ZNF804A: variants seen among roughly 807,000 people sequenced by gnomAD.
ZNF804A encodes zinc finger protein 804A.
A neutral mutation model predicts 16.5 loss-of-function variants in ZNF804A; 2 were observed. That is an observed-to-expected ratio of 0.12 (90% confidence interval 0.05 to 0.38). ZNF804A has a LOEUF of 0.38. Among genes scored for constraint, ZNF804A ranks in the 10% least tolerant of loss-of-function variants. The pLI, the probability that ZNF804A is intolerant of heterozygous loss-of-function variation, is 0.99. For synonymous variants in ZNF804A, 534 were observed against 489.6 expected (o/e 1.09, Z -1.20); for missense variants, 1,473 against 1,390.7 (o/e 1.06, Z -0.94).
intron 1 of ZNF804A, among the ~76,000 whole-genome samples, chr2:184,697,515 G>A (rs1559129054): frequency 6.6e-6 from 1 of 151,964 alleles, no homozygotes; most frequent in Non-Finnish European, 1.5e-5. Context: ...ATAAATTTAA[G>A]TACAGAATTA....
intron 1 of ZNF804A, among the ~76,000 whole-genome samples, chr2:184,820,787 A>G (rs1437463385): frequency 6.6e-6 from 1 of 151,744 alleles, no homozygotes; most frequent in East Asian, 1.9e-4. Flanking sequence ...CAAGTAGGGA[A>G]CCAAAACATG....
intron 1 of ZNF804A, among the ~76,000 whole-genome samples, chr2:184,677,597 A>G (rs561754009): frequency 1.3e-5 from 2 of 152,164 alleles, no homozygotes; most frequent in African/African-American, 2.4e-5. Context: ...TATAATTTAT[A>G]ACATCAAGGT....
intron 2 of ZNF804A, among the ~76,000 whole-genome samples, chr2:184,918,093 T>A (rs1166590524): frequency 6.6e-6 from 1 of 152,134 alleles, no homozygotes; most frequent in East Asian, 1.9e-4. Context: ...TACTAAGATA[T>A]GCCCTATGGG....
chr2:184,885,670 A>G (rs956973462), intron 2 of ZNF804A, among the ~76,000 whole-genome samples: 8 of 152,322 alleles, frequency 5.3e-5, no homozygotes, highest in African/African-American at 1.7e-4. Context: ...TCTCAGAATC[A>G]TGGCTGGAGG....
intron 1 of ZNF804A, among the ~76,000 whole-genome samples, chr2:184,678,271 C>T (rs911371084): frequency 3.1e-4 from 47 of 152,002 alleles, no homozygotes; most frequent in Non-Finnish European, 1.5e-4. Context: ...GTCAGCTAAT[C>T]ATGTGAGTGA....
chr2:184,776,814 C>T (rs1469803228), intron 1 of ZNF804A, among the ~76,000 whole-genome samples: 1 of 151,442 alleles, frequency 6.6e-6, no homozygotes, highest in Non-Finnish European at 1.5e-5. Flanking sequence ...CCTTATAAAC[C>T]CTCTTCAGAC....
At chr2:184,727,313 A>G (rs1355330290) in intron 1 of ZNF804A, among the ~76,000 whole-genome samples, 1 of 151,622 alleles carries the variant, frequency 6.6e-6, no homozygotes, top group African/African-American at 2.4e-5. Context: ...TGGAAGCAAT[A>G]TGAAAGAATT....
At chr2:184,867,429 T>C (rs1695892298) in intron 2 of ZNF804A, among the ~76,000 whole-genome samples, 1 of 152,096 alleles carries the variant, frequency 6.6e-6, no homozygotes. Flanking sequence ...AAAGAAAAAG[T>C]AGGGAAAGTG....
chr2:184,754,179 A>G (rs1472872176), intron 1 of ZNF804A, among the ~76,000 whole-genome samples: 1 of 151,822 alleles, frequency 6.6e-6, no homozygotes, highest in Non-Finnish European at 1.5e-5. Context: ...TTACCTCAAT[A>G]AAGTTAGGTA....
At position 184,892,483 on chromosome 2, in the gene ZNF804A, C is replaced by CTTTTTT. The variant is rs869292193; in HGVS notation, c.255+25988_255+25993dup. 1.5e-3 allele frequency among the ~76,000 whole-genome samples: 155 copies of CTTTTTT among 105,732 alleles called. 7 individuals are homozygous for CTTTTTT. The highest frequency in any genetic ancestry group is 2.3e-3 in the Non-Finnish European group (125 of 54,690). The allele number at this position is 105,732 out of a possible 152,430, so 69.4% of individuals were successfully genotyped here. On this transcript the variant is annotated intron_variant, in intron 2 of 3. Transcript: ENST00000302277. ...CTTCTATTCCTCACATTGTTGTGTT[C>CTTTTTT]TTTTTTTTTTTTTTTTTTTTTTATG...
intron 1 of ZNF804A, among the ~76,000 whole-genome samples, chr2:184,673,927 CA>C (rs1453123479): frequency 1.3e-5 from 2 of 152,006 alleles, no homozygotes; most frequent in East Asian, 3.9e-4. Flanking sequence ...TTCTAAAAAT[CA>C]ATAGTTTGAC....
chr2:184,615,431 T>C (rs1447555845), intron 1 of ZNF804A, among the ~76,000 whole-genome samples: 1 of 152,202 alleles, frequency 6.6e-6, no homozygotes, highest in East Asian at 1.9e-4. Context: ...TCCCAGTTTA[T>C]GCTGTTGTCC....
At chr2:184,696,313 GCAA>G (rs1692830313) in intron 1 of ZNF804A, among the ~76,000 whole-genome samples, 1 of 152,066 alleles carries the variant, frequency 6.6e-6, no homozygotes, top group African/African-American at 2.4e-5. Flanking sequence ...AAAAAAACAG[GCAA>G]CAACATCAAA....
intron 1 of ZNF804A, among the ~76,000 whole-genome samples, chr2:184,749,622 T>C (rs937652176): frequency 1.3e-5 from 2 of 151,290 alleles, no homozygotes; most frequent in African/African-American, 4.8e-5. Context: ...AAAAATATTG[T>C]ATCTTTTTTA....
At chr2:184,876,312 A>G (rs1684674509) in intron 2 of ZNF804A, among the ~76,000 whole-genome samples, 1 of 151,970 alleles carries the variant, frequency 6.6e-6, no homozygotes, top group South Asian at 2.1e-4. Flanking sequence ...AAAATGTACT[A>G]AAGCTTAATT....
At chr2:184,620,690 CAAAG>C (rs998925661) in intron 1 of ZNF804A, among the ~76,000 whole-genome samples, 2 of 151,384 alleles carry the variant, frequency 1.3e-5, no homozygotes, top group Non-Finnish European at 3.0e-5. Flanking sequence ...AGTGGAAAAA[CAAAG>C]GAAGAGAGAA....
intron 1 of ZNF804A, among the ~76,000 whole-genome samples, chr2:184,827,247 G>A (rs1695181218): frequency 6.6e-6 from 1 of 150,798 alleles, no homozygotes; most frequent in South Asian, 2.1e-4. Context: ...CTATAATATG[G>A]CTCTTCATTG....
intron 1 of ZNF804A, among the ~76,000 whole-genome samples, chr2:184,779,570 C>T (rs148626526): frequency 6.6e-6 from 1 of 151,270 alleles, no homozygotes; most frequent in Non-Finnish European, 1.5e-5. Context: ...GGAGATGGGC[C>T]CAATGTAATC....
At position 184,936,668 on chromosome 2, in the gene ZNF804A, A is replaced by T. The variant is rs1374841748; in HGVS notation, c.1272A>T (p.Pro424=). The change falls in exon 4 of 4, where the codon CCA becomes CCT. Residue 424 remains proline, a synonymous_variant. Coordinates refer to ENST00000302277, the MANE Select transcript of ZNF804A (RefSeq NM_194250.2). ...ATTTCTGCAAAAGACAATGTGAGCC[A>T]TTTGTACCTGTCCTTAACAAACACA... ...KTNFCKRQCE[P]FVPVLNKHRS... 21 of 1,614,008 alleles carry T rather than the reference A, an allele frequency of 1.3e-5. No individual in the cohort carries two copies. The highest frequency in any genetic ancestry group is 1.8e-5 in the Non-Finnish European group (21 of 1,179,918).
Sources: gnomAD v4.1 joint callset for allele counts (sites outside exome capture counted in the v4.1 genomes callset) on GRCh38, gnomAD v4.1.1 for gene constraint, MANE v1.5 for transcripts, NCBI Gene and HGNC (gene_info 2026-07-23, HGNC 2026-07-21) for gene names.